PTPN9: variants seen among roughly 807,000 people sequenced by gnomAD.
The protein encoded by PTPN9 is protein tyrosine phosphatase non-receptor type 9, also known as tyrosine-protein phosphatase non-receptor type 9.
In PTPN9, 26 loss-of-function variants were observed where a neutral mutation model predicts 69.8. The ratio of observed to expected loss-of-function variants is 0.37; its 90% CI spans 0.27 to 0.52. The LOEUF is 0.52. Among genes scored for constraint, PTPN9 ranks in the 20% least tolerant of loss-of-function variants. The pLI is 0.91. For missense variants in PTPN9, 549 were observed against 740.3 expected (o/e 0.74, Z 3.00); for synonymous variants, 274 against 272.5 (o/e 1.01, Z -0.05).
At chr15:75,513,127 A>G (rs2074852044) in intron 5 of PTPN9, 1 of 387,424 alleles carries the variant, frequency 2.6e-6, no homozygotes, top group Non-Finnish European at 5.1e-6. Flanking sequence ...AGGTACCCCC[A>G]GACAGTCATG....
Position 75,568,400 on chromosome 15 carries a change from T to C in PTPN9, c.63+10314A>G, listed in dbSNP as rs185112021. ...GTGCACGCTTTTAGTCCCAGCTTCT[T>C]GGGAGGCTGAGGTAGGAGGATTCCT... On this transcript the variant is annotated intron_variant, in intron 1 of 12. Coordinates refer to ENST00000618819, the MANE Select transcript of PTPN9 (RefSeq NM_002833.4). Among the ~76,000 whole-genome samples the C allele has an allele frequency of 2.7e-3, 402 of 150,606 alleles. 2 individuals are homozygous for C. Among genetic ancestry groups the C allele is most frequent in the African/African-American group, 9.2e-3 (379 of 41,026 alleles).
chr15:75,563,005 G>T (rs530541140), intron 1 of PTPN9, among the ~76,000 whole-genome samples: 1 of 152,066 alleles, frequency 6.6e-6, no homozygotes, highest in East Asian at 1.9e-4. Flanking sequence ...GTGTCACAGG[G>T]TTTGGTGTAC....
At chr15:75,527,510 G>GA (rs2074934903) in intron 1 of PTPN9, among the ~76,000 whole-genome samples, 1 of 151,962 alleles carries the variant, frequency 6.6e-6, no homozygotes, top group Non-Finnish European at 1.5e-5. Flanking sequence ...AGGTATGCAT[G>GA]AAAAAATGAG....
At chr15:75,508,336 T>G (rs192586763) in intron 6 of PTPN9, among the ~76,000 whole-genome samples, 2 of 152,234 alleles carry the variant, frequency 1.3e-5, no homozygotes, top group African/African-American at 4.8e-5. Context: ...AGTGTTAGTA[T>G]TATAAGCATG....
At chr15:75,551,944 A>T (rs1232904869) in intron 1 of PTPN9, among the ~76,000 whole-genome samples, 1 of 151,864 alleles carries the variant, frequency 6.6e-6, no homozygotes, top group Non-Finnish European at 1.5e-5. Flanking sequence ...AGGCTGAGGC[A>T]GAAGAATTGC....
intron 5 of PTPN9, among the ~76,000 whole-genome samples, chr15:75,515,454 T>TA (rs1244297414): frequency 6.7e-6 from 1 of 148,300 alleles, no homozygotes; most frequent in African/African-American, 2.5e-5. Context: ...AAAGAAATCT[T>TA]ACACTTTTTA....
intron 1 of PTPN9, among the ~76,000 whole-genome samples, chr15:75,574,701 G>A (rs1167814111): frequency 1.3e-5 from 2 of 151,960 alleles, no homozygotes; most frequent in Non-Finnish European, 2.9e-5. Flanking sequence ...AGCACTTTGG[G>A]AGGCTGAGGT....
chr15:75,515,174 T>C (rs1373011343), intron 5 of PTPN9, among the ~76,000 whole-genome samples: 1 of 152,168 alleles, frequency 6.6e-6, no homozygotes, highest in African/African-American at 2.4e-5. Flanking sequence ...ACGCCTGTAA[T>C]CCCAGCACTT....
chr15:75,558,675 C>T (rs533210144), intron 1 of PTPN9, among the ~76,000 whole-genome samples: 3 of 152,296 alleles, frequency 2.0e-5, no homozygotes, highest in South Asian at 2.1e-4. Flanking sequence ...ACTGCAGGCG[C>T]GCGCCGCCAC....
chr15:75,558,596 C>T (rs950479814), intron 1 of PTPN9, among the ~76,000 whole-genome samples: 5 of 152,190 alleles, frequency 3.3e-5, no homozygotes, highest in African/African-American at 4.8e-5. Context: ...CTGGACTGTA[C>T]TGCTGCCATC....
intron 1 of PTPN9, among the ~76,000 whole-genome samples, chr15:75,564,842 G>T (rs2075119815): frequency 6.6e-6 from 1 of 151,910 alleles, no homozygotes; most frequent in South Asian, 2.1e-4. Context: ...GGTGGCTCAC[G>T]ACTGTAATCC....
chr15:75,490,137 T>G, intron 8 of PTPN9, 71 bp downstream of exon 8: 1 of 1,201,342 alleles, frequency 8.3e-7, no homozygotes, highest in Non-Finnish European at 1.2e-6. Flanking sequence ...ACCGAAGTAT[T>G]AGTAAGCTTC....
intron 9 of PTPN9, among the ~76,000 whole-genome samples, chr15:75,479,482 A>T (rs2074615850): frequency 6.6e-6 from 1 of 152,182 alleles, no homozygotes; most frequent in Non-Finnish European, 1.5e-5. Context: ...ATCTCTGGGA[A>T]GTCCACTGCT....
intron 1 of PTPN9, among the ~76,000 whole-genome samples, chr15:75,541,953 C>G (rs2141330861): frequency 6.6e-6 from 1 of 151,940 alleles, no homozygotes; most frequent in African/African-American, 2.4e-5. Flanking sequence ...AGAAGAATCG[C>G]CTGAACCTAG....
At chr15:75,519,763 C>A (rs1177502454) in intron 4 of PTPN9, among the ~76,000 whole-genome samples, 1 of 151,168 alleles carries the variant, frequency 6.6e-6, no homozygotes, top group Admixed American at 6.6e-5. Context: ...TGAGTCACTG[C>A]GCCCTGCCCT....
rs74026512 is a variant in PTPN9, at chr15:75,527,304, A to G, written c.64-43T>C. The stretch of plus-strand genomic sequence containing the variant: ...AAAGAATAATTAGTAAGAAGAGAGC[A>G]TATTTATGGAGTCAAAAAACAAACA... On this transcript the variant is annotated intron_variant, in intron 1 of 12. Transcript: ENST00000618819. The G allele has an allele frequency of 1.2e-3, 1,978 of 1,601,440 alleles. 24 individuals are homozygous for G. In the African/African-American group the frequency reaches 0.023, roughly 19 times the overall value.
intron 7 of PTPN9, among the ~76,000 whole-genome samples, chr15:75,500,344 TACACAC>T (rs35248279): frequency 4.3e-4 from 62 of 142,554 alleles, no homozygotes; most frequent in Admixed American, 1.8e-3. Context: ...CAAACATACA[TACACAC>T]ACACACACAC....
chr15:75,470,628 AATT>A lies in PTPN9; in HGVS notation c.1359+49_1359+51del, dbSNP rs1455442203. ...TCCCTCTGGAGATTTTCATTACAGT[AATT>A]ATTCTCCCCCTGTTTCAACAAGGTG... On this transcript the variant is annotated intron_variant, in intron 11 of 12. Transcript: ENST00000618819. The A allele has an allele frequency of 6.2e-5, 98 of 1,578,788 alleles. No individual in the cohort carries two copies. In the South Asian group the frequency reaches 8.5e-4, roughly 14 times the overall value.
At chr15:75,482,140 G>A (rs1215342464) in intron 8 of PTPN9, among the ~76,000 whole-genome samples, 12 of 151,580 alleles carry the variant, frequency 7.9e-5, no homozygotes, top group African/African-American at 2.9e-4. Flanking sequence ...TTGGGATCCT[G>A]TTGATCTGTG....
Sources: gnomAD v4.1 joint callset for allele counts (sites outside exome capture counted in the v4.1 genomes callset) on GRCh38, gnomAD v4.1.1 for gene constraint, MANE v1.5 for transcripts, NCBI Gene and HGNC (gene_info 2026-07-23, HGNC 2026-07-21) for gene names.